Variants in PTPN14 observed in about 807,000 individuals in gnomAD.
PTPN14 encodes protein tyrosine phosphatase non-receptor type 14.
Under a neutral mutation model 126.8 loss-of-function variants are expected in PTPN14, and 53 were observed. That is an observed-to-expected ratio of 0.42 (90% confidence interval 0.34 to 0.53). The LOEUF (loss-of-function observed/expected upper bound fraction) is 0.53. PTPN14 is among the 20% of genes least tolerant of loss of function. PTPN14 has a pLI of 0.08. For synonymous variants in PTPN14, 630 were observed against 599.3 expected (o/e 1.05, Z -0.75); for missense variants, 1,257 against 1,552.9 (o/e 0.81, Z 3.20).
chr1:214,408,599 A>G (rs1270704767), intron 5 of PTPN14, among the ~76,000 whole-genome samples: 1 of 152,224 alleles, frequency 6.6e-6, no homozygotes, highest in Non-Finnish European at 1.5e-5. Context: ...AAGACCATAG[A>G]ACTGACCATC....
intron 1 of PTPN14, among the ~76,000 whole-genome samples, chr1:214,539,932 T>G (rs886549489): frequency 6.6e-6 from 1 of 152,182 alleles, no homozygotes; most frequent in East Asian, 1.9e-4. Context: ...AGCCTTTATT[T>G]TTAGACACTT....
In PTPN14 at chr1:214,410,170, CT is replaced by C. The variant is rs371011064; in HGVS notation, c.510+1513del. 4.7e-4 allele frequency among the ~76,000 whole-genome samples: 71 copies of C among 152,202 alleles called. 1 individual carries two copies. In the East Asian group the frequency reaches 0.013, roughly 28 times the overall value. ...ATACAATCTCATTTATTTATTTTTA[CT>C]TTTGTTGCCTATGTTTTTGGGGTCA... is the stretch of plus-strand genomic sequence containing the variant. On this transcript the variant is annotated intron_variant, in intron 5 of 18. Coordinates refer to ENST00000366956, the MANE Select transcript of PTPN14 (RefSeq NM_005401.5).
intron 11 of PTPN14, among the ~76,000 whole-genome samples, chr1:214,389,761 T>C (rs1251143285): frequency 6.6e-5 from 10 of 152,210 alleles, no homozygotes; most frequent in Admixed American, 6.5e-4. Context: ...AAAATTATTT[T>C]GCTAATAAAG....
chr1:214,368,259 A>C (rs540562247), intron 17 of PTPN14, among the ~76,000 whole-genome samples: 2 of 145,238 alleles, frequency 1.4e-5, no homozygotes, highest in Non-Finnish European at 3.0e-5. Flanking sequence ...CCCAGACTGA[A>C]GTGCAATGAT....
At chr1:214,504,423 C>T (rs1654782669) in intron 1 of PTPN14, among the ~76,000 whole-genome samples, 1 of 152,092 alleles carries the variant, frequency 6.6e-6, no homozygotes, top group African/African-American at 2.4e-5. Flanking sequence ...ACAGCAAAGC[C>T]CTGGAAGCCT....
At chr1:214,461,269 T>A (rs1448400206) in intron 2 of PTPN14, among the ~76,000 whole-genome samples, 2 of 152,252 alleles carry the variant, frequency 1.3e-5, no homozygotes, top group African/African-American at 2.4e-5. Flanking sequence ...AAATTTATGA[T>A]ATACCTAAAC....
intron 1 of PTPN14, among the ~76,000 whole-genome samples, chr1:214,489,384 C>T (rs1050631855): frequency 3.9e-5 from 6 of 152,150 alleles, no homozygotes; most frequent in South Asian, 2.1e-4. Context: ...TTCCCATATG[C>T]GCCAGTCACC....
intron 1 of PTPN14, among the ~76,000 whole-genome samples, chr1:214,536,165 G>C: frequency 6.6e-6 from 1 of 151,690 alleles, no homozygotes; most frequent in Non-Finnish European, 1.5e-5. Context: ...CAAGGCCGGG[G>C]TGGGGTGGGG....
chr1:214,535,629 A>G (rs1429302561), intron 1 of PTPN14, among the ~76,000 whole-genome samples: 1 of 152,090 alleles, frequency 6.6e-6, no homozygotes, highest in Admixed American at 6.5e-5. Context: ...AAATACAAAA[A>G]TTAGCCGGGC....
intron 10 of PTPN14, among the ~76,000 whole-genome samples, chr1:214,392,575 T>C (rs1398021564): frequency 6.6e-6 from 1 of 152,042 alleles, no homozygotes; most frequent in Non-Finnish European, 1.5e-5. Context: ...AGAGTAGAAA[T>C]ACACAGAAGT....
chr1:214,534,409 G>T (rs963786460), intron 1 of PTPN14, among the ~76,000 whole-genome samples: 6 of 152,110 alleles, frequency 3.9e-5, no homozygotes. Flanking sequence ...ATAACCAATC[G>T]TGGTATAATA....
At chr1:214,514,259 A>C (rs1655046890) in intron 1 of PTPN14, among the ~76,000 whole-genome samples, 1 of 152,136 alleles carries the variant, frequency 6.6e-6, no homozygotes, top group Non-Finnish European at 1.5e-5. Context: ...TTTAAAAGGC[A>C]ATAAACCTAG....
intron 3 of PTPN14, among the ~76,000 whole-genome samples, chr1:214,417,974 G>A (rs1341431502): frequency 1.3e-5 from 2 of 152,200 alleles, no homozygotes; most frequent in Non-Finnish European, 2.9e-5. Context: ...TCACAGGATG[G>A]TGAAGACAGG....
At chr1:214,367,840 G>A (rs752713548) in intron 17 of PTPN14, among the ~76,000 whole-genome samples, 11 of 152,216 alleles carry the variant, frequency 7.2e-5, no homozygotes, top group East Asian at 1.9e-4. Context: ...CTCTGAGTAC[G>A]TCGGAAGTGA....
At chr1:214,504,955 G>A (rs112023633) in intron 1 of PTPN14, among the ~76,000 whole-genome samples, 233 of 152,282 alleles carry the variant, frequency 1.5e-3, no homozygotes, top group Non-Finnish European at 2.3e-3. Flanking sequence ...AACTTCATCA[G>A]AGGTGACACC....
chr1:214,442,979 A>T (rs1660068252), intron 3 of PTPN14, among the ~76,000 whole-genome samples: 1 of 152,016 alleles, frequency 6.6e-6, no homozygotes, highest in African/African-American at 2.4e-5. Context: ...ATGTGCCACC[A>T]TGCCAGGCTA....
chr1:214,428,461 C>G (rs1259130637), intron 3 of PTPN14, among the ~76,000 whole-genome samples: 1 of 152,322 alleles, frequency 6.6e-6, no homozygotes, highest in Middle Eastern at 3.4e-3. Context: ...GTCAGTCAAA[C>G]ATTTTATCTA....
intron 1 of PTPN14, among the ~76,000 whole-genome samples, chr1:214,527,189 C>T (rs1307460724): frequency 6.6e-6 from 1 of 151,984 alleles, no homozygotes; most frequent in African/African-American, 2.4e-5. Flanking sequence ...GAGGAAAGCT[C>T]CGGTCAAGAC....
intron 16 of PTPN14, among the ~76,000 whole-genome samples, chr1:214,371,247 C>G (rs923392843): frequency 1.3e-5 from 2 of 152,102 alleles, no homozygotes; most frequent in African/African-American, 4.8e-5. Flanking sequence ...CTTTCTTAAC[C>G]CTTTTTCCAT....
Sources: gnomAD v4.1 joint callset for allele counts (sites outside exome capture counted in the v4.1 genomes callset) on GRCh38, gnomAD v4.1.1 for gene constraint, MANE v1.5 for transcripts, NCBI Gene and HGNC (gene_info 2026-07-23, HGNC 2026-07-21) for gene names.